POLDIP2: variants seen among roughly 807,000 people sequenced by gnomAD.
POLDIP2 encodes the protein polymerase delta-interacting protein 2.
Under a neutral mutation model 52.9 loss-of-function variants are expected in POLDIP2, and 32 were observed. The ratio of observed to expected loss-of-function variants is 0.61; its 90% CI spans 0.46 to 0.81. POLDIP2 has a LOEUF of 0.81. Ranked by LOEUF, POLDIP2 falls within the 40% of genes least tolerant of loss-of-function variation. The probability of loss-of-function intolerance (pLI) is 0.00; values close to 1 mark genes in which losing one functional copy is unlikely to be tolerated. For missense variants in POLDIP2, 371 were observed against 477.3 expected, an observed-to-expected ratio of 0.78 and a Z score of 2.07; for synonymous variants, 183 against 183.0, an observed-to-expected ratio of 1.00 and a Z score of 0.00.
chr17:28,353,742 G>C lies in POLDIP2; in HGVS notation c.391C>G (p.His131Asp), dbSNP rs782692450. 1.9e-6 allele frequency: 3 copies of C among 1,613,482 alleles called. No individual in the cohort carries two copies. In the Admixed American group the frequency reaches 5.0e-5, roughly 27 times the overall value. Residue 131 changes from histidine to aspartate, a missense_variant, in exon 4 of 11, where the codon CAC (histidine) becomes GAC (aspartate). Physicochemically the swap from His to Asp is moderately conservative, Grantham distance 81. Transcript: ENST00000540200. Reference protein sequence around the residue: ...HGSKEVKGKTHTYYQVLIDAR... With the variant: ...HGSKEVKGKTDTYYQVLIDAR... ...TCAATCAGCACCTGATAGTAAGTGT[G>C]AGTTTTGCCTTTCACCTCCTTGGAG...
rs782225390 is a variant in POLDIP2, at chr17:28,349,062, C to G, written c.992+21G>C. ...TGTTTGTGGAGCTGGGTGGCCCCTA[C>G]TGCTGTGCACACTCACTCACCACAT... On this transcript the variant is annotated intron_variant, in intron 10 of 10. Coordinates refer to ENST00000540200, the MANE Select transcript of POLDIP2 (RefSeq NM_015584.5). The G allele has an allele frequency of 4.4e-6, 7 of 1,581,934 alleles. No individual in the cohort carries two copies. The Admixed American group carries it at 1.2e-4, about 27-fold the overall frequency.
At chr17:28,352,330 C>T (rs1267462006) in intron 6 of POLDIP2, among the ~76,000 whole-genome samples, 15 of 146,752 alleles carry the variant, frequency 1.0e-4, no homozygotes, top group African/African-American at 3.0e-4. Flanking sequence ...CTGTGCCTCC[C>T]GGGTTCAAGC....
chr17:28,348,698 G>C (rs1247488554), intron 10 of POLDIP2, among the ~76,000 whole-genome samples: 1 of 152,142 alleles, frequency 6.6e-6, no homozygotes, highest in Non-Finnish European at 1.5e-5. Flanking sequence ...GGCAATAAGT[G>C]AAACTCCATC....
In POLDIP2 at chr17:28,347,259, C is replaced by T. The variant is rs1280323575; in HGVS notation, c.*858G>A. Reference sequence around the variant, plus strand: ...ACTGCAGTGGCGGAGGAAAAGAAATCCTAAGAATTGGGGCAAGATGCAGCA... The same window carrying T: ...ACTGCAGTGGCGGAGGAAAAGAAATTCTAAGAATTGGGGCAAGATGCAGCA... On this transcript the variant is annotated 3_prime_UTR_variant, in exon 11 of 11. Coordinates refer to ENST00000540200, the MANE Select transcript of POLDIP2 (RefSeq NM_015584.5). 6.6e-6 allele frequency: 1 copy of T among 152,214 alleles called. No homozygotes were observed. Among genetic ancestry groups the T allele is most frequent in the Non-Finnish European group, 1.5e-5 (1 of 68,038 alleles). 9.4% of individuals were successfully genotyped at this position (152,214 alleles called of 1,614,324 possible).
At chr17:28,348,914 C>T (rs1052371761) in intron 10 of POLDIP2, among the ~76,000 whole-genome samples, 169 bp downstream of exon 10, 23 of 152,152 alleles carry the variant, frequency 1.5e-4, no homozygotes, top group African/African-American at 5.3e-4. Flanking sequence ...GGGAAACAGG[C>T]GGTAATAGAA....
intron 3 of POLDIP2, 46 bp downstream of exon 3, chr17:28,354,442 A>G (rs2142399024): frequency 7.5e-7 from 1 of 1,338,774 alleles, no homozygotes; most frequent in Non-Finnish European, 1.0e-6. Context: ...TATGTCTGCC[A>G]TCTCCTCCTG....
Position 28,348,047 on chromosome 17 carries a change from C to G in POLDIP2, c.*70G>C. On this transcript the variant is annotated 3_prime_UTR_variant, in exon 11 of 11. Coordinates refer to ENST00000540200, the MANE Select transcript of POLDIP2 (RefSeq NM_015584.5). ...GGCCCATGATGGGGAGAGAAGAGTT[C>G]TGCAGCAATTGTGGGATGAGAGTTG... 1 of 879,152 alleles carries G rather than the reference C, an allele frequency of 1.1e-6. No homozygotes were observed. Among genetic ancestry groups the G allele is most frequent in the Non-Finnish European group, 1.9e-6 (1 of 524,436 alleles). 54.5% of individuals were successfully genotyped at this position (879,152 alleles called of 1,614,324 possible). A position where few individuals can be genotyped will look rare whatever the true frequency, so the allele number is the denominator to read the frequency against.
intron 6 of POLDIP2, 135 bp downstream of exon 6, chr17:28,352,777 G>T: frequency 1.6e-6 from 1 of 606,506 alleles, no homozygotes; most frequent in Non-Finnish European, 3.0e-6. Context: ...GACCTCAGAT[G>T]ATCCACCTGC....
chr17:28,357,319 T>C lies in POLDIP2; in HGVS notation c.130A>G (p.Thr44Ala), dbSNP rs781950224. The change falls in exon 1 of 11, where the codon ACC (threonine) becomes GCC (alanine). Residue 44 changes from threonine to alanine, a missense_variant. Thr to Ala is a moderately conservative substitution (Grantham distance 58). Transcript: ENST00000540200. ...GAGAGGTGCCTCCGCGTCGTCGTGG[T>C]CGACGCTGGCGAGAAGGCTCCAGCT... is the stretch of plus-strand genomic sequence containing the variant. ...AGAGAFSPAS[T>A]TTTRRHLSSR... is the part of the protein sequence containing the mutation. The C allele has an allele frequency of 1.3e-6, 2 of 1,580,080 alleles. No individual in the cohort carries two copies. Among genetic ancestry groups the C allele is most frequent in the South Asian group, 1.1e-5 (1 of 89,292 alleles).
chr17:28,348,957 A>G (rs782536769), intron 10 of POLDIP2, 126 bp downstream of exon 10: 6 of 625,838 alleles, frequency 9.6e-6, no homozygotes, highest in Non-Finnish European at 1.7e-5. Flanking sequence ...AATATAGCAG[A>G]TAAGGCTCCC....
chr17:28,350,327 A>G, intron 9 of POLDIP2, 111 bp downstream of exon 9: 1 of 896,042 alleles, frequency 1.1e-6, no homozygotes, highest in Non-Finnish European at 1.6e-6. Context: ...AAACAACACA[A>G]TGTATTCACA....
chr17:28,348,252 GT>G (rs782176395), intron 10 of POLDIP2, 21 bp from the exon 11 acceptor site: 11 of 1,564,266 alleles, frequency 7.0e-6, no homozygotes, highest in Non-Finnish European at 9.7e-6. Flanking sequence ...AAAGAAGCTG[GT>G]TTAGAAGGAG....
intron 4 of POLDIP2, 101 bp downstream of exon 4, chr17:28,353,594 G>C (rs1907904675): frequency 1.3e-6 from 1 of 796,954 alleles, no homozygotes; most frequent in African/African-American, 1.7e-5. Flanking sequence ...GACCAAGACT[G>C]ACCTGGGCTC....
At chr17:28,353,356 G>T in intron 4 of POLDIP2, 40 bp from the exon 5 acceptor site, 1 of 1,145,152 alleles carries the variant, frequency 8.7e-7, no homozygotes, top group Non-Finnish European at 1.3e-6. Context: ...CCATGTCTCT[G>T]CTAAAAAGTA....
intron 1 of POLDIP2, among the ~76,000 whole-genome samples, 154 bp from the exon 2 acceptor site, chr17:28,356,030 C>T (rs2142400741): frequency 6.6e-6 from 1 of 151,654 alleles, no homozygotes; most frequent in South Asian, 2.1e-4. Context: ...AAAGGCTTTC[C>T]TCCTCCTTGG....
Position 28,346,686 on chromosome 17 carries a change from T to C in POLDIP2, c.*1431A>G, listed in dbSNP as rs908449882. 6.6e-6 allele frequency: 1 copy of C among 152,230 alleles called. No individual in the cohort carries two copies. The highest frequency in any genetic ancestry group is 2.4e-5 in the African/African-American group (1 of 41,452). 9.4% of individuals were successfully genotyped at this position (152,230 alleles called of 1,614,324 possible). On this transcript the variant is annotated 3_prime_UTR_variant, in exon 11 of 11. Coordinates refer to ENST00000540200, the MANE Select transcript of POLDIP2 (RefSeq NM_015584.5). Reference sequence around the variant, plus strand: ...TGACTTAAAAGTTTGGGGGTTTTCTTTGAAAGTTTCCAGCCCTATTCAGAA... The same window carrying C: ...TGACTTAAAAGTTTGGGGGTTTTCTCTGAAAGTTTCCAGCCCTATTCAGAA...
In POLDIP2 at chr17:28,349,078, C is replaced by T. The variant is rs781932637; in HGVS notation, c.992+5G>A. On this transcript the variant is annotated splice_donor_5th_base_variant and intron_variant, in intron 10 of 10. Coordinates refer to ENST00000540200, the MANE Select transcript of POLDIP2 (RefSeq NM_015584.5). ...TGGCCCCTACTGCTGTGCACACTCA[C>T]TCACCACATGTGCCCACTGGAAGCC... The T allele has an allele frequency of 6.2e-7, 1 of 1,605,924 alleles. No homozygotes were observed. The highest frequency in any genetic ancestry group is 8.5e-7 in the Non-Finnish European group (1 of 1,173,152).
At chr17:28,355,484 G>A (rs1301692021) in intron 2 of POLDIP2, among the ~76,000 whole-genome samples, 8 of 152,160 alleles carry the variant, frequency 5.3e-5, no homozygotes, top group Non-Finnish European at 1.0e-4. Context: ...GCGCATGCTT[G>A]TAATCCCAGC....
At chr17:28,354,463 G>T in intron 3 of POLDIP2, 25 bp downstream of exon 3, 1 of 1,483,290 alleles carries the variant, frequency 6.7e-7, no homozygotes, top group South Asian at 1.2e-5. Flanking sequence ...AGGATACTGT[G>T]AGGCACAACC....
Sources: gnomAD v4.1 joint callset for allele counts (sites outside exome capture counted in the v4.1 genomes callset) on GRCh38, gnomAD v4.1.1 for gene constraint, MANE v1.5 for transcripts, NCBI Gene and HGNC (gene_info 2026-07-23, HGNC 2026-07-21) for gene names.